Variants in MEGF8 observed in about 807,000 individuals in gnomAD.
MEGF8 encodes the protein multiple EGF like domains 8.
Under a neutral mutation model 302.9 loss-of-function variants are expected in MEGF8, and 156 were observed. The observed-to-expected ratio is 0.52, with a 90% confidence interval of 0.45 to 0.59. MEGF8 has a LOEUF of 0.59. Among genes scored for constraint, MEGF8 ranks in the 20% least tolerant of loss-of-function variants. The pLI is 0.00. For missense variants in MEGF8, 3,345 were observed against 3,964.5 expected (o/e 0.84, Z 4.20); for synonymous variants, 1,621 against 1,660.5 (o/e 0.98, Z 0.58).
chr19:42,334,894 C>T, intron 3 of MEGF8, 141 bp from the exon 4 acceptor site: 2 of 816,262 alleles, frequency 2.5e-6, no homozygotes, highest in East Asian at 5.6e-5. Context: ...TTTCCATCCT[C>T]TCCCTTCCTG....
intron 8 of MEGF8, among the ~76,000 whole-genome samples, chr19:42,341,511 A>G (rs2039214939): frequency 6.6e-6 from 1 of 151,754 alleles, no homozygotes; most frequent in Non-Finnish European, 1.5e-5. Flanking sequence ...TATGTTGCCC[A>G]GAGTGGTCTT....
chr19:42,361,087 G>T, intron 32 of MEGF8, 81 bp downstream of exon 32: 1 of 1,399,784 alleles, frequency 7.1e-7, no homozygotes, highest in Non-Finnish European at 9.6e-7. Context: ...CAGGATGGAG[G>T]CCTCAGGAGT....
intron 32 of MEGF8, among the ~76,000 whole-genome samples, chr19:42,361,237 G>C (rs1346591683): frequency 1.3e-5 from 2 of 152,174 alleles, no homozygotes; most frequent in African/African-American, 2.4e-5. Context: ...GGCCTTAAAA[G>C]AACGGTAGAG....
rs139959427 is a variant in MEGF8, at chr19:42,360,778, C to T, written c.5492C>T (p.Ser1831Leu). 221 of 1,579,454 alleles carry T rather than the reference C, an allele frequency of 1.4e-4. No individual in the cohort carries two copies. The highest frequency in any genetic ancestry group is 6.7e-4 in the Middle Eastern group (4 of 6,010). Reference sequence around the variant, plus strand: ...TGAATACACCATCTTTCCTCAGGCTCGGCCTCTGTGGGGCCCCCAATGGAG... The same window carrying T: ...TGAATACACCATCTTTCCTCAGGCTTGGCCTCTGTGGGGCCCCCAATGGAG... ...NAWLLPDLTRSASVGPPMEES... is the reference protein window; with the variant it reads ...NAWLLPDLTRLASVGPPMEES... The change falls in exon 32 of 42, where the codon TCG (serine) becomes TTG (leucine). Residue 1831 changes from serine (S) to leucine (L), a missense_variant. Physicochemically the swap from Ser to Leu is moderately radical, Grantham distance 145. Coordinates refer to ENST00000251268, the MANE Select transcript of MEGF8 (RefSeq NM_001271938.2).
In MEGF8 at chr19:42,355,788, G is replaced by A. The variant is rs745383186; in HGVS notation, c.4175G>A (p.Gly1392Asp). Residue 1392 changes from glycine (G) to aspartate (D), a missense_variant, in exon 24 of 42, where the codon GGC becomes GAC. Coordinates refer to ENST00000251268, the MANE Select transcript of MEGF8 (RefSeq NM_001271938.2). ...GLLVLHWEAN[G>D]SSSWGFNASV... ...CTCGTGCTGCACTGGGAGGCCAATG[G>A]CTCCTCATCCTGGGGCTTCAATGCT... 3.8e-6 allele frequency: 6 copies of A among 1,581,764 alleles called. No homozygotes were observed. Among genetic ancestry groups the A allele is most frequent in the Non-Finnish European group, 5.2e-6 (6 of 1,163,252 alleles).
rs952609386 is a variant in MEGF8 at position 42,334,961 on chromosome 19, C to A, written c.559-74C>A. 3.5e-6 allele frequency: 5 copies of A among 1,445,678 alleles called. No individual in the cohort carries two copies. The Admixed American group carries it at 7.4e-5, about 21-fold the overall frequency. The allele number at this position is 1,445,678 out of a possible 1,614,324, so 89.6% of individuals were successfully genotyped here. A position where few individuals can be genotyped will look rare whatever the true frequency, so the allele number is the denominator to read the frequency against. On this transcript the variant is annotated intron_variant, in intron 3 of 41. Coordinates refer to ENST00000251268, the MANE Select transcript of MEGF8 (RefSeq NM_001271938.2). ...TCTGTCTCATTCTGCCTCTTTTCCTCTCTGTGTCTCCTTTGTCTCTCTGTC... is the reference window on the plus strand; with the variant it reads ...TCTGTCTCATTCTGCCTCTTTTCCTATCTGTGTCTCCTTTGTCTCTCTGTC...
At chr19:42,326,623 C>T (rs1158627900) in intron 1 of MEGF8, among the ~76,000 whole-genome samples, 193 bp downstream of exon 1, 2 of 152,152 alleles carry the variant, frequency 1.3e-5, no homozygotes, top group Admixed American at 6.5e-5. Context: ...GATGCACCTA[C>T]ACCCAGATTT....
chr19:42,371,327 G>A (rs770956358), intron 40 of MEGF8, 23 bp from the exon 41 acceptor site: 31 of 1,612,670 alleles, frequency 1.9e-5, no homozygotes, highest in Middle Eastern at 1.6e-4. Context: ...TGGGGGCTCC[G>A]TAACCCTCAA....
intron 14 of MEGF8, 38 bp downstream of exon 14, chr19:42,349,737 GC>G: frequency 6.3e-7 from 1 of 1,592,370 alleles, no homozygotes. Flanking sequence ...CTAGCCGCAG[GC>G]CCCAGCCTCA....
In MEGF8 at chr19:42,326,450, T is replaced by C. The variant is rs1265799867; in HGVS notation, c.187+20T>C. ...TCGAGGGTGAGTGGGGCCGCGTGGG[T>C]CACTCACTAATTCGCTGGTAGTTCA... On this transcript the variant is annotated intron_variant, in intron 1 of 41. Transcript: ENST00000251268. The C allele has an allele frequency of 2.6e-6, 4 of 1,511,022 alleles. No homozygotes were observed. Among genetic ancestry groups the C allele is most frequent in the Admixed American group, 5.2e-5 (2 of 38,120 alleles). The allele number at this position is 1,511,022 out of a possible 1,614,324, so 93.6% of individuals were successfully genotyped here.
chr19:42,333,135 C>T (rs558146267), intron 1 of MEGF8, among the ~76,000 whole-genome samples: 199 of 152,322 alleles, frequency 1.3e-3, no homozygotes, highest in African/African-American at 4.6e-3. Flanking sequence ...TCTTCTCTTG[C>T]AGCTCTATTC....
chr19:42,376,505 C>T lies in MEGF8; in HGVS notation c.8268C>T (p.Ile2756=). 1.3e-6 allele frequency: 2 copies of T among 1,582,958 alleles called. No individual in the cohort carries two copies. The highest frequency in any genetic ancestry group is 2.3e-5 in the East Asian group (1 of 42,732). ...PMGGGCCPPA[I]PATTAGLRAG... The stretch of plus-strand genomic sequence containing the variant: ...GAGGGGGCTGCTGCCCACCAGCCAT[C>T]CCCGCCACCACTGCTGGGCTGCGAG... Residue 2756 remains isoleucine (I), a synonymous_variant, in exon 42 of 42, where the codon ATC becomes ATT. Transcript: ENST00000251268. The surrounding 1 kb of genome is among the most constrained non-coding windows in gnomAD (Gnocchi z 8.2).
At chr19:42,359,821 T>C (rs1421759635) in intron 31 of MEGF8, among the ~76,000 whole-genome samples, 1 of 151,428 alleles carries the variant, frequency 6.6e-6, no homozygotes, top group Non-Finnish European at 1.5e-5. Context: ...CCCAAGAAGC[T>C]GGGACTACAG....
At chr19:42,362,289 T>C (rs969798165) in intron 33 of MEGF8, 76 bp downstream of exon 33, 3 of 1,609,546 alleles carry the variant, frequency 1.9e-6, no homozygotes, top group Non-Finnish European at 2.5e-6. Flanking sequence ...TCTGGTCAGC[T>C]GTCCCACCCA....
At chr19:42,328,879 G>A (rs1312092664) in intron 1 of MEGF8, among the ~76,000 whole-genome samples, 1 of 152,122 alleles carries the variant, frequency 6.6e-6, no homozygotes, top group African/African-American at 2.4e-5. Flanking sequence ...TCTCAGACTG[G>A]TTGGGAATGG....
chr19:42,359,853 ATTTTTT>A (rs891961465), intron 31 of MEGF8, among the ~76,000 whole-genome samples: 2 of 125,420 alleles, frequency 1.6e-5, no homozygotes, highest in African/African-American at 3.2e-5. Flanking sequence ...CGCCTGGATA[ATTTTTT>A]TTTTTTTTTT....
chr19:42,349,826 G>T, intron 14 of MEGF8, 127 bp downstream of exon 14: 2 of 982,666 alleles, frequency 2.0e-6, no homozygotes, highest in Non-Finnish European at 1.5e-6. Flanking sequence ...TTAACTCTTG[G>T]CCTCTGAACT....
At chr19:42,343,248 T>A (rs546652034) in intron 8 of MEGF8, among the ~76,000 whole-genome samples, 1 of 152,208 alleles carries the variant, frequency 6.6e-6, no homozygotes, top group Non-Finnish European at 1.5e-5. Context: ...AGATGCAGGA[T>A]TTGAACCCAA....
intron 9 of MEGF8, 145 bp from the exon 10 acceptor site, chr19:42,343,809 T>A: frequency 1.5e-6 from 2 of 1,370,374 alleles, no homozygotes; most frequent in Middle Eastern, 4.7e-4. Flanking sequence ...TCCCTGGGCC[T>A]GGGGGAGGAA....
Sources: allele counts gnomAD v4.1 joint callset (sites outside exome capture counted in the v4.1 genomes callset), GRCh38; gene constraint gnomAD v4.1.1; non-coding constraint Gnocchi (gnomAD v3.1); transcripts MANE v1.5; gene names NCBI Gene and HGNC (gene_info 2026-07-23, HGNC 2026-07-21).